Variants in TXNL1 observed in about 807,000 individuals in gnomAD.
TXNL1 encodes the protein thioredoxin-like protein 1.
In TXNL1, 14 loss-of-function variants were observed where a neutral mutation model predicts 35.5. That is an observed-to-expected ratio of 0.39 (90% confidence interval 0.26 to 0.62). The LOEUF (loss-of-function observed/expected upper bound fraction) is 0.62, where lower values mean the gene tolerates loss of function less well. Among genes scored for constraint, TXNL1 ranks in the 20% least tolerant of loss-of-function variants. The pLI is 0.47. For missense variants in TXNL1, 263 were observed against 349.7 expected, an observed-to-expected ratio of 0.75 and a Z score of 1.98; for synonymous variants, 110 against 115.5, an observed-to-expected ratio of 0.95 and a Z score of 0.31.
intron 3 of TXNL1, among the ~76,000 whole-genome samples, chr18:56,623,528 A>G (rs2024226082): frequency 6.6e-6 from 1 of 152,186 alleles, no homozygotes; most frequent in African/African-American, 2.4e-5. Context: ...AGAGAAATTA[A>G]AAACTATATA....
intron 3 of TXNL1, among the ~76,000 whole-genome samples, chr18:56,619,956 C>G (rs2024153879): frequency 6.6e-6 from 1 of 151,932 alleles, no homozygotes; most frequent in South Asian, 2.1e-4. Context: ...TAAAAAAACT[C>G]AATTTTGTTA....
At chr18:56,634,988 G>T (rs1336818752) in intron 1 of TXNL1, among the ~76,000 whole-genome samples, 1 of 152,174 alleles carries the variant, frequency 6.6e-6, no homozygotes, top group Admixed American at 6.5e-5. Flanking sequence ...AAGGCCCAGC[G>T]CAGTGACTCA....
intron 3 of TXNL1, among the ~76,000 whole-genome samples, chr18:56,621,377 TAG>T (rs1330325316): frequency 5.3e-5 from 8 of 151,994 alleles, no homozygotes; most frequent in Non-Finnish European, 1.0e-4. Context: ...GTATTTTTGG[TAG>T]AGATGGGGTT....
At chr18:56,624,599 A>G (rs540380777) in intron 2 of TXNL1, 138 bp from the exon 3 acceptor site, 82 of 964,152 alleles carry the variant, frequency 8.5e-5, no homozygotes, top group African/African-American at 2.1e-4. Context: ...TTATTTAAGG[A>G]AAAAATAGAC....
chr18:56,620,859 G>T (rs1201174088), intron 3 of TXNL1, among the ~76,000 whole-genome samples: 1 of 152,184 alleles, frequency 6.6e-6, no homozygotes, highest in Non-Finnish European at 1.5e-5. Flanking sequence ...CAGCCTAAAT[G>T]CTTTCAAAGC....
chr18:56,616,326 A>T lies in TXNL1; in HGVS notation c.493-12T>A. On this transcript the variant is annotated splice_polypyrimidine_tract_variant and intron_variant, in intron 4 of 7. Coordinates refer to ENST00000217515, the MANE Select transcript of TXNL1 (RefSeq NM_004786.3). ...ACAGTAATAAGCAGCTGTGAAGATA[A>T]GAGTTTCATTTTAAAGGGCTCTTGT... 6.2e-7 allele frequency: 1 copy of T among 1,612,910 alleles called. No homozygotes were observed. The highest frequency in any genetic ancestry group is 1.1e-5 in the South Asian group (1 of 90,990).
chr18:56,614,319 T>G (rs972009797), intron 6 of TXNL1, 105 bp downstream of exon 6: 1 of 996,876 alleles, frequency 1.0e-6, no homozygotes, highest in African/African-American at 1.6e-5. Flanking sequence ...TCAAACTGAG[T>G]GAATAAATAC....
rs538219652 is a variant in TXNL1, at chr18:56,601,330, T to C, written c.*1697A>G. 26 of 152,298 alleles carry C rather than the reference T, an allele frequency of 1.7e-4. No homozygotes were observed. The highest frequency in any genetic ancestry group is 1.2e-3 in the Admixed American group (18 of 15,298). The allele number at this position is 152,298 out of a possible 1,614,324, so 9.4% of individuals were successfully genotyped here. A position where few individuals can be genotyped will look rare whatever the true frequency, so the allele number is the denominator to read the frequency against. ...AGAAGAGTCACATAGACAATATAAA[T>C]CTGATGTCCAATCCTTTACAAATAC... is the stretch of plus-strand genomic sequence containing the variant. On this transcript the variant is annotated 3_prime_UTR_variant, in exon 8 of 8. Coordinates refer to ENST00000217515, the MANE Select transcript of TXNL1 (RefSeq NM_004786.3).
chr18:56,633,619 CAAAA>C (rs58501408), intron 1 of TXNL1, among the ~76,000 whole-genome samples: 16 of 91,044 alleles, frequency 1.8e-4, no homozygotes, highest in South Asian at 4.2e-4. Flanking sequence ...GACCCTGTCT[CAAAA>C]AAAAAAAAAA....
chr18:56,609,251 G>GAATA (rs1382801715), intron 7 of TXNL1: 2 of 151,966 alleles, frequency 1.3e-5, no homozygotes, highest in East Asian at 3.9e-4. Context: ...AAAATCAAAT[G>GAATA]AATAAATGGC....
At chr18:56,626,229 A>G (rs1421592990) in intron 2 of TXNL1, 132 bp downstream of exon 2, 5 of 1,443,152 alleles carry the variant, frequency 3.5e-6, no homozygotes, top group Admixed American at 2.6e-5. Flanking sequence ...TAATAATGAC[A>G]TCAACATAAC....
chr18:56,625,179 T>C (rs548819885), intron 2 of TXNL1, among the ~76,000 whole-genome samples: 161 of 152,170 alleles, frequency 1.1e-3, no homozygotes, highest in Middle Eastern at 3.4e-3. Context: ...AAAAAGAACA[T>C]AAAGATAACA....
chr18:56,603,222 A>T (rs561004716), intron 7 of TXNL1, among the ~76,000 whole-genome samples, 166 bp from the exon 8 acceptor site: 13 of 151,794 alleles, frequency 8.6e-5, no homozygotes, highest in African/African-American at 3.1e-4. Flanking sequence ...CCTCCCCTCC[A>T]ATCCCAGCCA....
intron 1 of TXNL1, among the ~76,000 whole-genome samples, chr18:56,630,639 G>A (rs1041065570): frequency 1.3e-5 from 2 of 151,946 alleles, no homozygotes; most frequent in South Asian, 2.1e-4. Context: ...AATTATTTAC[G>A]AGCTAACTGG....
chr18:56,624,623 A>C (rs1056449532), intron 2 of TXNL1, among the ~76,000 whole-genome samples, 162 bp from the exon 3 acceptor site: 11 of 152,182 alleles, frequency 7.2e-5, no homozygotes, highest in African/African-American at 2.7e-4. Context: ...TTCCTAAGAG[A>C]GTTCCCCTTT....
At chr18:56,618,169 G>T in intron 3 of TXNL1, 43 bp from the exon 4 acceptor site, 1 of 1,575,642 alleles carries the variant, frequency 6.3e-7, no homozygotes, top group Non-Finnish European at 8.6e-7. Flanking sequence ...ATTTGGATTA[G>T]GTATAAAAAT....
intron 3 of TXNL1, among the ~76,000 whole-genome samples, chr18:56,623,051 G>A (rs566970803): frequency 5.3e-4 from 80 of 151,358 alleles, no homozygotes; most frequent in African/African-American, 1.9e-3. Flanking sequence ...CTCTTCATTC[G>A]GCATGAATTT....
At position 56,637,732 on chromosome 18, in the gene TXNL1, A is replaced by T. The variant is rs117238965; in HGVS notation, c.98+611T>A. Among the ~76,000 whole-genome samples the T allele has an allele frequency of 6.9e-3, 1,049 of 152,344 alleles. 5 individuals are homozygous for T. Among genetic ancestry groups the T allele is most frequent in the Middle Eastern group, 0.048 (14 of 294 alleles). ...TGTGACCAGTTGCAATCGCATACAT[A>T]GGGGAGCCTAAGCTACAAGTTAGTG... On this transcript the variant is annotated intron_variant, in intron 1 of 7. Coordinates refer to ENST00000217515, the MANE Select transcript of TXNL1 (RefSeq NM_004786.3).
chr18:56,610,988 C>T lies in TXNL1; in HGVS notation c.840+5G>A, dbSNP rs1387676875. The T allele has an allele frequency of 1.3e-6, 2 of 1,569,008 alleles. No individual in the cohort carries two copies. The highest frequency in any genetic ancestry group is 1.8e-5 in the Admixed American group (1 of 54,274). On this transcript the variant is annotated splice_donor_5th_base_variant and intron_variant, in intron 7 of 7. Transcript: ENST00000217515. ...TATCCCGAAGTATCATTTAAGCAAACTTACTCGTTTGAAGTCATTCATATT... is the reference window on the plus strand; with the variant it reads ...TATCCCGAAGTATCATTTAAGCAAATTTACTCGTTTGAAGTCATTCATATT...
Sources: gnomAD v4.1 joint callset for allele counts (sites outside exome capture counted in the v4.1 genomes callset) on GRCh38, gnomAD v4.1.1 for gene constraint, MANE v1.5 for transcripts, NCBI Gene and HGNC (gene_info 2026-07-23, HGNC 2026-07-21) for gene names.